Variants in USP34 observed in about 807,000 individuals in gnomAD.
USP34 encodes the protein ubiquitin carboxyl-terminal hydrolase 34.
Under a neutral mutation model 460.3 loss-of-function variants are expected in USP34, and 70 were observed. That is an observed-to-expected ratio of 0.15 (90% CI 0.13 to 0.19). The LOEUF (loss-of-function observed/expected upper bound fraction) is 0.19, where lower values mean the gene tolerates loss of function less well. Among genes scored for constraint, USP34 ranks in the 10% least tolerant of loss-of-function variants. The pLI, the probability that USP34 is intolerant of heterozygous loss-of-function variation, is 1.00. For missense variants in USP34, 3,985 were observed against 4,236.2 expected, an observed-to-expected ratio of 0.94 and a Z score of 1.65; for synonymous variants, 1,647 against 1,405.3, an observed-to-expected ratio of 1.17 and a Z score of -3.85.
At position 61,427,876 on chromosome 2, in the gene USP34, T is replaced by C. The variant is rs139269856; in HGVS notation, c.44-7043A>G. On this transcript the variant is annotated intron_variant, in intron 1 of 79. Transcript: ENST00000398571. ...TCAAAAGGGCAAATCTAAAGAGTTT[T>C]TGGTGGCCAGGCACAGTGGCTCACA... is the stretch of plus-strand genomic sequence containing the variant. Among the ~76,000 whole-genome samples, 66 of 152,122 alleles carry C rather than the reference T, an allele frequency of 4.3e-4. No homozygotes were observed. In the East Asian group the frequency reaches 8.5e-3, roughly 20 times the overall value.
intron 5 of USP34, among the ~76,000 whole-genome samples, chr2:61,394,289 T>C (rs918313410): frequency 6.6e-6 from 1 of 152,110 alleles, no homozygotes; most frequent in African/African-American, 2.4e-5. Flanking sequence ...TAGGCAAGCA[T>C]CATTTAAAGT....
intron 1 of USP34, among the ~76,000 whole-genome samples, chr2:61,467,617 GTTTT>G (rs3980937): frequency 6.6e-5 from 7 of 106,020 alleles, no homozygotes; most frequent in African/African-American, 1.4e-4. Flanking sequence ...CTGTAACTTT[GTTTT>G]TTTTTTTTTT....
intron 18 of USP34, among the ~76,000 whole-genome samples, chr2:61,336,105 G>A: frequency 6.6e-6 from 1 of 151,396 alleles, no homozygotes; most frequent in East Asian, 1.9e-4. Context: ...TAGTCTCTAG[G>A]GAAGCAAAAC....
chr2:61,465,976 CA>C (rs199642472), intron 1 of USP34, among the ~76,000 whole-genome samples: 3 of 144,496 alleles, frequency 2.1e-5, no homozygotes, highest in Non-Finnish European at 3.0e-5. Context: ...GACTCTGTCT[CA>C]AAAAAAAATA....
intron 5 of USP34, among the ~76,000 whole-genome samples, chr2:61,389,895 C>T (rs1035092178): frequency 6.6e-6 from 1 of 151,854 alleles, no homozygotes; most frequent in African/African-American, 2.4e-5. Flanking sequence ...CCTGTAACTG[C>T]AGAAAAACAG....
chr2:61,400,453 G>T (rs1202263995), intron 3 of USP34, among the ~76,000 whole-genome samples: 3 of 152,124 alleles, frequency 2.0e-5, no homozygotes, highest in Admixed American at 6.5e-5. Flanking sequence ...GCTGCTCCAT[G>T]ATCAAACCAT....
At chr2:61,228,003 A>G (rs1480845042) in intron 61 of USP34, among the ~76,000 whole-genome samples, 5 of 152,212 alleles carry the variant, frequency 3.3e-5, no homozygotes, top group Non-Finnish European at 7.3e-5. Context: ...TTTATGATCT[A>G]CTAGTGTATA....
intron 69 of USP34, 105 bp downstream of exon 69, chr2:61,211,667 A>G (rs1382403516): frequency 1.6e-6 from 2 of 1,236,740 alleles, no homozygotes; most frequent in Non-Finnish European, 2.1e-6. Context: ...AAGTGGCTAC[A>G]TGCACAAATG....
intron 37 of USP34, 46 bp from the exon 38 acceptor site, chr2:61,281,288 A>G: frequency 6.3e-7 from 1 of 1,583,098 alleles, no homozygotes; most frequent in South Asian, 1.1e-5. Flanking sequence ...TTAGTATTAC[A>G]AAGTTAATAT....
In USP34 at chr2:61,296,887, A is replaced by G; in HGVS notation, c.4167T>C (p.Asn1389=). The change falls in exon 30 of 80, where the codon AAT becomes AAC. Residue 1389 remains asparagine, a synonymous_variant. Coordinates refer to ENST00000398571, the MANE Select transcript of USP34 (RefSeq NM_014709.4). ...RCEELHLHAE[N]LSRRVWELLM... ...GTAGCTCCCAGACCCGCCTAGACAG[A>G]TTTTCTGCATGAAGATGAAGTTCTT... The G allele has an allele frequency of 6.2e-7, 1 of 1,613,904 alleles. No homozygotes were observed. Among genetic ancestry groups the G allele is most frequent in the Non-Finnish European group, 8.5e-7 (1 of 1,179,900 alleles).
At chr2:61,259,014 C>A (rs892835273) in intron 44 of USP34, among the ~76,000 whole-genome samples, 6 of 152,144 alleles carry the variant, frequency 3.9e-5, no homozygotes, top group Admixed American at 2.6e-4. Flanking sequence ...AATCCCAACA[C>A]TTTGGGAGGC....
intron 79 of USP34, 32 bp from the exon 80 acceptor site, chr2:61,188,741 T>G: frequency 6.3e-7 from 1 of 1,599,474 alleles, no homozygotes; most frequent in Non-Finnish European, 8.5e-7. Flanking sequence ...GGGAAACTTC[T>G]CTGAAAGTCA....
chr2:61,435,137 C>G (rs141702550), intron 1 of USP34, among the ~76,000 whole-genome samples: 4 of 151,462 alleles, frequency 2.6e-5, no homozygotes, highest in Non-Finnish European at 4.4e-5. Context: ...GACCCCATCT[C>G]TACAAAAAAA....
At chr2:61,300,527 G>T (rs1051832149) in intron 29 of USP34, among the ~76,000 whole-genome samples, 1 of 150,814 alleles carries the variant, frequency 6.6e-6, no homozygotes, top group Non-Finnish European at 1.5e-5. Flanking sequence ...GCCAGGCACG[G>T]TGGCTCATGC....
At chr2:61,230,459 G>A (rs995423795) in intron 58 of USP34, among the ~76,000 whole-genome samples, 3 of 152,132 alleles carry the variant, frequency 2.0e-5, no homozygotes, top group Non-Finnish European at 4.4e-5. Flanking sequence ...GGGAGGTGGC[G>A]GTTGCAGTGA....
chr2:61,347,649 T>C (rs919697093), intron 15 of USP34, among the ~76,000 whole-genome samples: 1 of 152,182 alleles, frequency 6.6e-6, no homozygotes, highest in Non-Finnish European at 1.5e-5. Flanking sequence ...GCTGGGATTA[T>C]AGGTGTGAGC....
At chr2:61,193,539 C>CA (rs1054535585) in intron 75 of USP34, among the ~76,000 whole-genome samples, 6 of 152,190 alleles carry the variant, frequency 3.9e-5, no homozygotes, top group Admixed American at 2.0e-4. Flanking sequence ...GGCACTATGT[C>CA]AGAGAGTGCT....
chr2:61,230,409 T>A (rs1238404682), intron 58 of USP34, among the ~76,000 whole-genome samples: 1 of 151,836 alleles, frequency 6.6e-6, no homozygotes, highest in Non-Finnish European at 1.5e-5. Context: ...ACCTGTAATC[T>A]CAGCTAAGGA....
At chr2:61,398,189 AC>A (rs1178943237) in intron 3 of USP34, among the ~76,000 whole-genome samples, 1 of 151,946 alleles carries the variant, frequency 6.6e-6, no homozygotes, top group Non-Finnish European at 1.5e-5. Flanking sequence ...CACGGGCGAG[AC>A]CCAATCTCTA....
Sources: allele counts gnomAD v4.1 joint callset (sites outside exome capture counted in the v4.1 genomes callset), GRCh38; gene constraint gnomAD v4.1.1; transcripts MANE v1.5; gene names NCBI Gene and HGNC (gene_info 2026-07-23, HGNC 2026-07-21).